The following MFN2 variants were observed in gnomAD, a reference collection of about 807,000 sequenced individuals.
The protein encoded by MFN2 is mitofusin 2, also known as mitofusin-2.
A neutral mutation model predicts 87.5 loss-of-function variants in MFN2; 43 were observed. The ratio of observed to expected loss-of-function variants is 0.49; its 90% CI spans 0.38 to 0.63. The LOEUF is 0.63. MFN2 is among the 30% of genes least tolerant of loss of function. The pLI, the probability that MFN2 is intolerant of heterozygous loss-of-function variation, is 0.00. For missense variants in MFN2, 743 were observed against 972.8 expected (o/e 0.76, Z 3.14); for synonymous variants, 337 against 359.9 (o/e 0.94, Z 0.72).
intron 16 of MFN2, 24 bp from the exon 17 acceptor site, chr1:12,007,029 C>G: frequency 6.2e-7 from 1 of 1,612,572 alleles, no homozygotes; most frequent in African/African-American, 1.3e-5. Flanking sequence ...AGGCTGCACT[C>G]CAGGCTGACC....
At position 11,989,199 on chromosome 1, in the gene MFN2, A is replaced by C; in HGVS notation, c.31A>C (p.Ile11Leu). 2 of 1,614,092 alleles carry C rather than the reference A, an allele frequency of 1.2e-6. No individual in the cohort carries two copies. Among genetic ancestry groups the C allele is most frequent in the Non-Finnish European group, 1.7e-6 (2 of 1,180,028 alleles). Residue 11 changes from isoleucine to leucine, a missense_variant, in exon 3 of 19, where the codon ATC (isoleucine) becomes CTC (leucine). By Grantham distance (5) the Ile-to-Leu change is conservative (BLOSUM62 2). Transcript: ENST00000235329. ...CCTGCTCTTCTCTCGATGCAACTCTATCGTCACAGTCAAGAAAAATAAGAG... is the reference window on the plus strand; with the variant it reads ...CCTGCTCTTCTCTCGATGCAACTCTCTCGTCACAGTCAAGAAAAATAAGAG... MSLLFSRCNS[I>L]VTVKKNKRHM...
intron 15 of MFN2, 37 bp downstream of exon 15, chr1:12,005,968 G>A: frequency 3.8e-6 from 6 of 1,593,162 alleles, no homozygotes; most frequent in Non-Finnish European, 5.2e-6. Flanking sequence ...CATTGTGGGG[G>A]GTCAGTCTGT....
At chr1:11,989,453 A>C in intron 3 of MFN2, 110 bp downstream of exon 3, 1 of 1,251,284 alleles carries the variant, frequency 8.0e-7, no homozygotes. Context: ...TCATAACCAG[A>C]TAGCCTTAGA....
rs542924986 is a variant in MFN2 at position 11,996,451 on chromosome 1, A to G, written c.474+133A>G. 52 of 1,103,504 alleles carry G rather than the reference A, an allele frequency of 4.7e-5. No homozygotes were observed. The African/African-American group carries it at 6.1e-4, about 13-fold the overall frequency. The allele number at this position is 1,103,504 out of a possible 1,614,324, so 68.4% of individuals were successfully genotyped here. On this transcript the variant is annotated intron_variant, in intron 5 of 18. Coordinates refer to ENST00000235329, the MANE Select transcript of MFN2 (RefSeq NM_014874.4). ...AGGTGAATGGGAGACCCTATTTTAG[A>G]TGAACTTTTTGAAGGATGTAAGAGC...
chr1:11,990,804 C>T (rs925899711), intron 3 of MFN2, among the ~76,000 whole-genome samples: 3 of 152,200 alleles, frequency 2.0e-5, no homozygotes, highest in African/African-American at 7.2e-5. Context: ...TTCCAAAGGC[C>T]ATGCCCAGGT....
At chr1:12,008,184 A>G (rs1199868986) in intron 17 of MFN2, among the ~76,000 whole-genome samples, 9 of 152,210 alleles carry the variant, frequency 5.9e-5, no homozygotes, top group Non-Finnish European at 8.8e-5. Flanking sequence ...TGATTTCTCT[A>G]TCTTTTCCCC....
intron 17 of MFN2, among the ~76,000 whole-genome samples, chr1:12,008,464 G>A (rs1405588777): frequency 1.4e-5 from 2 of 146,474 alleles, no homozygotes; most frequent in African/African-American, 2.7e-5. Context: ...CTGGCCGGGC[G>A]GGGACTGACC....
intron 4 of MFN2, among the ~76,000 whole-genome samples, chr1:11,995,422 C>T (rs1461639138): frequency 5.3e-5 from 8 of 152,118 alleles, no homozygotes; most frequent in Admixed American, 5.2e-4. Flanking sequence ...CACCTGAGGT[C>T]AGGAGTTCGC....
chr1:11,995,819 C>G (rs1372261910), intron 4 of MFN2, among the ~76,000 whole-genome samples: 1 of 152,026 alleles, frequency 6.6e-6, no homozygotes, highest in Non-Finnish European at 1.5e-5. Context: ...GGGGGTTAGT[C>G]GGTGTTTCAG....
chr1:12,010,801 C>T (rs1221628825), intron 18 of MFN2, among the ~76,000 whole-genome samples: 2 of 152,166 alleles, frequency 1.3e-5, no homozygotes, highest in African/African-American at 2.4e-5. Flanking sequence ...CAAAAGTCCT[C>T]GGCCTGCCCA....
chr1:11,991,949 A>AAAAAAAAG (rs1638701637), intron 3 of MFN2, among the ~76,000 whole-genome samples: 1 of 144,844 alleles, frequency 6.9e-6, no homozygotes, highest in African/African-American at 2.7e-5. Context: ...AAAAAAAAAA[A>AAAAAAAAG]AAAGAAGTGA....
chr1:12,005,648 C>T, intron 14 of MFN2, 63 bp from the exon 15 acceptor site: 3 of 1,517,596 alleles, frequency 2.0e-6, no homozygotes, highest in Non-Finnish European at 1.8e-6. Context: ...GTCTCCAAGG[C>T]TTGGTGCCGC....
Position 12,006,605 on chromosome 1 carries a change from C to G in MFN2, c.1784C>G (p.Thr595Ser). The change falls in exon 16 of 19, where the codon ACC (threonine) becomes AGC (serine). Residue 595 changes from threonine (T) to serine (S), a missense_variant. Transcript: ENST00000235329. The stretch of plus-strand genomic sequence containing the variant: ...CCCCCACTGCCACAGGGCTCGCTCA[C>G]CCAGGAGGAGTTCATGGTTTCCATG... ...SMPPLPQGSLTQEEFMVSMVT... is the reference protein window; with the variant it reads ...SMPPLPQGSLSQEEFMVSMVT... 6.2e-7 allele frequency: 1 copy of G among 1,614,224 alleles called. No homozygotes were observed. Among genetic ancestry groups the G allele is most frequent in the Non-Finnish European group, 8.5e-7 (1 of 1,180,038 alleles).
At chr1:11,982,310 T>A (rs1370627501) in intron 2 of MFN2, among the ~76,000 whole-genome samples, 196 bp downstream of exon 2, 1 of 152,194 alleles carries the variant, frequency 6.6e-6, no homozygotes, top group Non-Finnish European at 1.5e-5. Context: ...AGAGCCTGTT[T>A]AAAAGTTGAC....
At position 12,007,132 on chromosome 1, in the gene MFN2, C is replaced by G. The variant is rs746502519; in HGVS notation, c.1952C>G (p.Thr651Ser). 7.4e-6 allele frequency: 12 copies of G among 1,614,200 alleles called. No individual in the cohort carries two copies. The highest frequency in any genetic ancestry group is 1.0e-5 in the Non-Finnish European group (12 of 1,180,050). Residue 651 changes from threonine to serine, a missense_variant, in exon 17 of 19, where the codon ACC becomes AGC. Coordinates refer to ENST00000235329, the MANE Select transcript of MFN2 (RefSeq NM_014874.4). ...YGLLYVYERL[T>S]WTTKAKERAF... is the part of the protein sequence containing the mutation. ...CTCCTCTACGTCTATGAGCGTCTGA[C>G]CTGGACCACCAAGGCCAAGGAGAGG...
At chr1:11,982,386 C>T (rs4846082) in intron 2 of MFN2, 77,654 of 151,996 alleles carry the variant, frequency 0.51, 20,383 homozygotes, top group East Asian at 0.64. Flanking sequence ...CTCATTTGGT[C>T]TCTGCTGTGC....
chr1:12,008,123 A>G (rs1206934703), intron 17 of MFN2, among the ~76,000 whole-genome samples: 2 of 152,228 alleles, frequency 1.3e-5, no homozygotes, highest in African/African-American at 2.4e-5. Context: ...AGTACAGAAC[A>G]AAATGGAGTC....
chr1:12,002,724 CAG>C (rs1348515908), intron 11 of MFN2, among the ~76,000 whole-genome samples: 3 of 152,166 alleles, frequency 2.0e-5, no homozygotes, highest in African/African-American at 7.2e-5. Flanking sequence ...TTCTATCACA[CAG>C]AATTGACTTT....
At position 12,007,126 on chromosome 1, in the gene MFN2, G is replaced by T. The variant is rs763492075; in HGVS notation, c.1946G>T (p.Arg649Leu). 1 of 1,614,200 alleles carries T rather than the reference G, an allele frequency of 6.2e-7. No homozygotes were observed. Among genetic ancestry groups the T allele is most frequent in the Non-Finnish European group, 8.5e-7 (1 of 1,180,042 alleles). The change falls in exon 17 of 19, where the codon CGT becomes CTT. Residue 649 changes from arginine to leucine, a missense_variant. This residue lies in a region of MFN2 where 571 missense variants were observed against 670.7 expected (regional missense o/e 0.85). Transcript: ENST00000235329. ...GLYGLLYVYE[R>L]LTWTTKAKER... ...TATGGCCTCCTCTACGTCTATGAGC[G>T]TCTGACCTGGACCACCAAGGCCAAG...
Sources: gnomAD v4.1 joint callset for allele counts (sites outside exome capture counted in the v4.1 genomes callset) on GRCh38, gnomAD v4.1.1 for gene constraint, gnomAD v4.1.1 regional missense constraint, MANE v1.5 for transcripts, NCBI Gene and HGNC (gene_info 2026-07-23, HGNC 2026-07-21) for gene names.